Variants in MX2 observed in about 807,000 individuals in gnomAD.
MX2 encodes MX dynamin like GTPase 2.
A neutral mutation model predicts 74.0 loss-of-function variants in MX2; 51 were observed. That is an observed-to-expected ratio of 0.69 (90% confidence interval 0.55 to 0.87). The LOEUF is 0.87. MX2 is among the 40% of genes least tolerant of loss of function. The probability of loss-of-function intolerance (pLI) is 0.00; values close to 1 mark genes in which losing one functional copy is unlikely to be tolerated. For missense variants in MX2, 832 were observed against 908.7 expected, an observed-to-expected ratio of 0.92 and a Z score of 1.09; for synonymous variants, 369 against 339.3, an observed-to-expected ratio of 1.09 and a Z score of -0.96.
rs148873850 is a variant in MX2, at chr21:41,408,141, G to T, written c.2056G>T (p.Ala686Ser). The change falls in exon 14 of 14, where the codon GCT becomes TCT. Residue 686 changes from alanine to serine, a missense_variant. Coordinates refer to ENST00000330714, the MANE Select transcript of MX2 (RefSeq NM_002463.2). The stretch of plus-strand genomic sequence containing the variant: ...GCTGCTTCAAGAGCAGAGTGAGACC[G>T]CTACCAAGAGAAGAATCCTTAAGGA... ...SWLLQEQSET[A>S]TKRRILKERI... 1 of 1,614,184 alleles carries T rather than the reference G, an allele frequency of 6.2e-7. No homozygotes were observed. The highest frequency in any genetic ancestry group is 8.5e-7 in the Non-Finnish European group (1 of 1,180,032).
rs995113773 is a variant in MX2 at position 41,380,398 on chromosome 21, C to T, written c.577+247C>T. 2.6e-5 allele frequency among the ~76,000 whole-genome samples: 4 copies of T among 152,152 alleles called. No individual in the cohort carries two copies. Among genetic ancestry groups the T allele is most frequent in the African/African-American group, 2.4e-5 (1 of 41,448 alleles). ...GCTTCCCTTAGCAGCCTGCAGCCCACGTGGCTGGCCTTACCTGTCCTCTCC... is the reference window on the plus strand; with the variant it reads ...GCTTCCCTTAGCAGCCTGCAGCCCATGTGGCTGGCCTTACCTGTCCTCTCC... On this transcript the variant is annotated intron_variant, in intron 4 of 13. Transcript: ENST00000330714. The surrounding 1 kb of genome is among the most constrained non-coding windows in gnomAD (Gnocchi z 4.3).
chr21:41,395,175 G>T (rs2089717920), intron 6 of MX2, among the ~76,000 whole-genome samples: 1 of 152,072 alleles, frequency 6.6e-6, no homozygotes, highest in Non-Finnish European at 1.5e-5. Context: ...TGGGAAGGAG[G>T]AGATCAGAGG....
At chr21:41,400,248 C>A (rs2089793815) in intron 10 of MX2, among the ~76,000 whole-genome samples, 1 of 152,188 alleles carries the variant, frequency 6.6e-6, no homozygotes, top group Non-Finnish European at 1.5e-5. Flanking sequence ...TTTACCATCT[C>A]CCCCTCTGGA....
chr21:41,372,947 C>T (rs1445553400), intron 1 of MX2: 2 of 152,324 alleles, frequency 1.3e-5, no homozygotes, highest in African/African-American at 4.8e-5. Flanking sequence ...TTATTAAGCT[C>T]CTACTGTATG....
At chr21:41,391,369 C>G (rs564020607) in intron 6 of MX2, among the ~76,000 whole-genome samples, 1 of 151,298 alleles carries the variant, frequency 6.6e-6, no homozygotes, top group East Asian at 1.9e-4. Context: ...AGATAATCAA[C>G]AGTTATCAAT....
chr21:41,382,340 C>T, intron 4 of MX2, 70 bp from the exon 5 acceptor site: 1 of 1,537,842 alleles, frequency 6.5e-7, no homozygotes, highest in Non-Finnish European at 8.8e-7. Flanking sequence ...CAGTCATTAC[C>T]TTCAGGAACT....
rs149074744 is a variant in MX2, at chr21:41,382,682, AG to A, written c.732+120del. ...CACTGAGGGATGAGGATGGAGTCTCAGGTAAGACCTGCCCAGGTGGGGGCCT... is the reference window on the plus strand; with the variant it reads ...CACTGAGGGATGAGGATGGAGTCTCAGTAAGACCTGCCCAGGTGGGGGCCT... On this transcript the variant is annotated intron_variant, in intron 5 of 13. Coordinates refer to ENST00000330714, the MANE Select transcript of MX2 (RefSeq NM_002463.2). The A allele has an allele frequency of 9.7e-3, 13,024 of 1,343,094 alleles. 74 individuals carry two copies. The highest frequency in any genetic ancestry group is 0.018 in the Middle Eastern group (77 of 4,170). The allele number at this position is 1,343,094 out of a possible 1,614,324, so 83.2% of individuals were successfully genotyped here.
At chr21:41,370,946 T>C (rs1298126009) in intron 1 of MX2, among the ~76,000 whole-genome samples, 1 of 152,200 alleles carries the variant, frequency 6.6e-6, no homozygotes, top group Non-Finnish European at 1.5e-5. Flanking sequence ...GGGTGGCAGA[T>C]CCAGCAAGAG....
intron 6 of MX2, among the ~76,000 whole-genome samples, chr21:41,393,894 C>T (rs1387544777): frequency 6.6e-6 from 1 of 152,204 alleles, no homozygotes; most frequent in Non-Finnish European, 1.5e-5. Flanking sequence ...CATCCGCCCA[C>T]CCAGTTCTAA....
chr21:41,386,175 A>T, intron 5 of MX2, among the ~76,000 whole-genome samples: 1 of 131,290 alleles, frequency 7.6e-6, no homozygotes, highest in East Asian at 2.5e-4. Flanking sequence ...AGCTGAGATC[A>T]CGCCACTGCA....
intron 1 of MX2, 95 bp from the exon 2 acceptor site, chr21:41,376,741 G>A (rs2089407819): frequency 1.1e-6 from 1 of 896,536 alleles, no homozygotes; most frequent in Non-Finnish European, 1.7e-6. Context: ...TAGGGGGTAG[G>A]TTGTAGGGTG....
intron 1 of MX2, among the ~76,000 whole-genome samples, chr21:41,375,182 G>A (rs1469659284): frequency 3.3e-5 from 5 of 152,168 alleles, no homozygotes; most frequent in African/African-American, 1.2e-4. Flanking sequence ...CCCACCACCT[G>A]TCTTTCTCCA....
chr21:41,372,661 T>C (rs916696146), intron 1 of MX2, among the ~76,000 whole-genome samples: 2 of 152,226 alleles, frequency 1.3e-5, no homozygotes, highest in Admixed American at 1.3e-4. Flanking sequence ...ACTGATCCCT[T>C]ACTCATTTTT....
intron 10 of MX2, 98 bp downstream of exon 10, chr21:41,399,435 T>C (rs81481): frequency 0.8 from 1,050,519 of 1,318,834 alleles, 426,086 homozygotes; most frequent in Admixed American, 0.84. Flanking sequence ...GTGGAACACG[T>C]CCATCCAAGA....
In MX2 at chr21:41,402,061, G is replaced by A. The variant is rs780422069; in HGVS notation, c.1506G>A (p.Glu502=). 1 of 1,614,168 alleles carries A rather than the reference G, an allele frequency of 6.2e-7. No individual in the cohort carries two copies. The highest frequency in any genetic ancestry group is 8.5e-7 in the Non-Finnish European group (1 of 1,180,034). ...LLGFVNYKTF[E]IIVHQYIQQL... ...GATTTGTCAACTACAAGACATTTGA[G>A]ATCATCGTGCATCAGTACATCCAGC... The change falls in exon 11 of 14, where the codon GAG becomes GAA. Residue 502 remains glutamate, a synonymous_variant. Transcript: ENST00000330714. This position sits in a 1 kb window ranked among gnomAD's most constrained non-coding sequence, Gnocchi z 4.5.
chr21:41,390,457 T>C, intron 5 of MX2, 108 bp from the exon 6 acceptor site: 9 of 1,491,996 alleles, frequency 6.0e-6, no homozygotes, highest in Non-Finnish European at 8.3e-6. Flanking sequence ...AGAGTCACAC[T>C]GTGGGACAAT....
rs367987588 is a variant in MX2, at chr21:41,399,138, C to T, written c.1273-58C>T. 656 of 1,600,752 alleles carry T rather than the reference C, an allele frequency of 4.1e-4. 11 individuals carry two copies. The South Asian group carries it at 6.4e-3, about 16-fold the overall frequency. ...GCGGGTGGACATCTCCTTGCAACGC[C>T]GGTCCCAGTTCTTTCATATGATTTC... is the stretch of plus-strand genomic sequence containing the variant. On this transcript the variant is annotated intron_variant, in intron 9 of 13. Coordinates refer to ENST00000330714, the MANE Select transcript of MX2 (RefSeq NM_002463.2).
At chr21:41,398,373 C>A (rs2089763182) in intron 8 of MX2, among the ~76,000 whole-genome samples, 1 of 152,150 alleles carries the variant, frequency 6.6e-6, no homozygotes, top group African/African-American at 2.4e-5. Flanking sequence ...GAAATAAGTC[C>A]ATTTTTATGG....
chr21:41,372,405 A>G (rs2145863782), intron 1 of MX2, among the ~76,000 whole-genome samples: 1 of 152,348 alleles, frequency 6.6e-6, no homozygotes, highest in Admixed American at 6.5e-5. Context: ...TGCCAATATT[A>G]CTTGTCAGAA....
Sources: allele counts gnomAD v4.1 joint callset (sites outside exome capture counted in the v4.1 genomes callset), GRCh38; gene constraint gnomAD v4.1.1; non-coding constraint Gnocchi (gnomAD v3.1); transcripts MANE v1.5; gene names NCBI Gene and HGNC (gene_info 2026-07-23, HGNC 2026-07-21).